Variants in ANAPC10 observed in about 807,000 individuals in gnomAD.
The protein encoded by ANAPC10 is anaphase-promoting complex subunit 10.
A neutral mutation model predicts 22.0 loss-of-function variants in ANAPC10; 12 were observed. The observed-to-expected ratio is 0.55, with a 90% CI of 0.35 to 0.88. The LOEUF is 0.88. Among genes scored for constraint, ANAPC10 ranks in the 40% least tolerant of loss-of-function variants. The probability of loss-of-function intolerance (pLI) is 0.01; values close to 1 mark genes in which losing one functional copy is unlikely to be tolerated. For missense variants in ANAPC10, 188 were observed against 220.9 expected (o/e 0.85, Z 0.94); for synonymous variants, 65 against 69.5 (o/e 0.94, Z 0.32).
intron 4 of ANAPC10, among the ~76,000 whole-genome samples, chr4:145,031,979 C>T (rs1025244804): frequency 6.6e-6 from 1 of 152,156 alleles, no homozygotes; most frequent in African/African-American, 2.4e-5. Flanking sequence ...GTGGTATATA[C>T]GTGATCAGGC....
At chr4:145,072,447 T>C (rs1475564039) in intron 3 of ANAPC10, among the ~76,000 whole-genome samples, 1 of 152,184 alleles carries the variant, frequency 6.6e-6, no homozygotes, top group Non-Finnish European at 1.5e-5. Context: ...AGGAACCAAA[T>C]AGTTTAACAA....
At chr4:145,014,438 A>T (rs1330906476) in intron 4 of ANAPC10, among the ~76,000 whole-genome samples, 1 of 151,788 alleles carries the variant, frequency 6.6e-6, no homozygotes, top group Non-Finnish European at 1.5e-5. Context: ...ACCAAGGCCC[A>T]CCCAAGGAAA....
At chr4:145,088,998 GTTC>G (rs1392206294) in intron 2 of ANAPC10, among the ~76,000 whole-genome samples, 3 of 152,106 alleles carry the variant, frequency 2.0e-5, no homozygotes, top group African/African-American at 4.8e-5. Context: ...TGTCAAGAAA[GTTC>G]TTCTCTGAAA....
intron 4 of ANAPC10, among the ~76,000 whole-genome samples, chr4:144,996,557 G>A (rs1297154466): frequency 6.6e-6 from 1 of 152,110 alleles, no homozygotes; most frequent in Non-Finnish European, 1.5e-5. Context: ...CATGCTGCTT[G>A]CCTGGGAGGA....
Position 145,034,770 on chromosome 4 carries a change from T to C in ANAPC10, c.327+29802A>G, listed in dbSNP as rs539012856. On this transcript the variant is annotated intron_variant, in intron 4 of 4. Coordinates refer to ENST00000507656, the MANE Select transcript of ANAPC10 (RefSeq NM_001256706.2). ...AAGGAAGGCAGGCTGGGTGGATGTGTGTTAGGCTGCAGTGCCGGTCTAAGG... is the reference window on the plus strand; with the variant it reads ...AAGGAAGGCAGGCTGGGTGGATGTGCGTTAGGCTGCAGTGCCGGTCTAAGG... Among the ~76,000 whole-genome samples, 8 of 151,784 alleles carry C rather than the reference T, an allele frequency of 5.3e-5. No homozygotes were observed. The South Asian group carries it at 1.7e-3, about 32-fold the overall frequency.
chr4:145,026,396 T>C (rs761936639), intron 4 of ANAPC10, among the ~76,000 whole-genome samples: 2 of 151,992 alleles, frequency 1.3e-5, no homozygotes, highest in African/African-American at 2.4e-5. Context: ...TTACATAGCA[T>C]ATAAGTATAA....
Position 145,066,109 on chromosome 4 carries a change from C to T in ANAPC10, c.207-1417G>A, listed in dbSNP as rs529618096. On this transcript the variant is annotated intron_variant, in intron 3 of 4. Coordinates refer to ENST00000507656, the MANE Select transcript of ANAPC10 (RefSeq NM_001256706.2). ...ACAATGAGCTCCTTGAACAGAAGTA[C>T]TCTGTGTCAAAAGTCAGCCTATAAA... Among the ~76,000 whole-genome samples, 686 of 152,234 alleles carry T rather than the reference C, an allele frequency of 4.5e-3. 3 individuals are homozygous for T. The highest frequency in any genetic ancestry group is 0.015 in the African/African-American group (641 of 41,550).
intron 4 of ANAPC10, among the ~76,000 whole-genome samples, chr4:144,996,356 C>A (rs183272254): frequency 1.4e-4 from 22 of 152,284 alleles, no homozygotes; most frequent in African/African-American, 5.3e-4. Context: ...CTGGAGCAAC[C>A]TCAGCTGGGC....
At chr4:145,027,627 T>G in intron 4 of ANAPC10, among the ~76,000 whole-genome samples, 1 of 152,084 alleles carries the variant, frequency 6.6e-6, no homozygotes, top group African/African-American at 2.4e-5. Context: ...GAGAGAAAAA[T>G]AGATCACATG....
chr4:145,027,380 G>C (rs1475017895), intron 4 of ANAPC10, among the ~76,000 whole-genome samples: 1 of 151,940 alleles, frequency 6.6e-6, no homozygotes, highest in Non-Finnish European at 1.5e-5. Context: ...GAGAAAATTA[G>C]GGGTCTAATG....
chr4:145,014,048 T>G (rs1458335352), intron 4 of ANAPC10, among the ~76,000 whole-genome samples: 1 of 152,034 alleles, frequency 6.6e-6, no homozygotes, highest in African/African-American at 2.4e-5. Flanking sequence ...CAGCTGAATT[T>G]TGTAACAATT....
At chr4:145,030,710 T>A (rs762756875) in intron 4 of ANAPC10, among the ~76,000 whole-genome samples, 1 of 152,134 alleles carries the variant, frequency 6.6e-6, no homozygotes, top group Non-Finnish European at 1.5e-5. Context: ...CCCTGACTGG[T>A]AGGGTGAGAA....
intron 1 of ANAPC10, chr4:145,097,673 C>A: frequency 4.2e-6 from 2 of 481,518 alleles, no homozygotes; most frequent in Admixed American, 2.6e-5. Flanking sequence ...CAGTTATGAA[C>A]TAGTTGTCAC....
intron 4 of ANAPC10, among the ~76,000 whole-genome samples, chr4:145,006,107 A>C (rs1051571643): frequency 1.3e-5 from 2 of 152,170 alleles, no homozygotes; most frequent in African/African-American, 4.8e-5. Context: ...TAGGTCTCTA[A>C]GAACTTGCTT....
At chr4:145,060,577 GA>G (rs147050670) in intron 4 of ANAPC10, among the ~76,000 whole-genome samples, 35 of 149,184 alleles carry the variant, frequency 2.3e-4, no homozygotes, top group Middle Eastern at 3.4e-3. Flanking sequence ...AATTTCTAGT[GA>G]AAAAAAAAGG....
At chr4:145,045,382 AAGATCTGAAACC>A (rs1740150294) in intron 4 of ANAPC10, among the ~76,000 whole-genome samples, 1 of 152,060 alleles carries the variant, frequency 6.6e-6, no homozygotes, top group South Asian at 2.1e-4. Context: ...TAGCAAAACT[AAGATCTGAAACC>A]AGATCTGTCT....
intron 4 of ANAPC10, among the ~76,000 whole-genome samples, chr4:145,015,916 T>G (rs566763577): frequency 6.6e-6 from 1 of 152,200 alleles, no homozygotes; most frequent in Non-Finnish European, 1.5e-5. Context: ...AAGCCACCAT[T>G]ACAAGAACTG....
intron 2 of ANAPC10, among the ~76,000 whole-genome samples, chr4:145,087,881 A>T (rs1747124004): frequency 6.6e-6 from 1 of 151,904 alleles, no homozygotes. Flanking sequence ...ACCCTGTCTA[A>T]ACTAAAAATA....
At chr4:145,083,138 A>G (rs746288617) in intron 2 of ANAPC10, among the ~76,000 whole-genome samples, 4 of 152,188 alleles carry the variant, frequency 2.6e-5, no homozygotes, top group Admixed American at 1.3e-4. Flanking sequence ...TTTATTCCAT[A>G]TCAATAAATT....
Sources: allele counts gnomAD v4.1 joint callset (sites outside exome capture counted in the v4.1 genomes callset), GRCh38; gene constraint gnomAD v4.1.1; transcripts MANE v1.5; gene names NCBI Gene and HGNC (gene_info 2026-07-23, HGNC 2026-07-21).